The following LBP variants were observed in gnomAD, a reference collection of about 807,000 sequenced individuals.
The protein encoded by LBP is lipopolysaccharide binding protein, also known as lipopolysaccharide-binding protein.
In LBP, 53 loss-of-function variants were observed where a neutral mutation model predicts 56.6. The ratio of observed to expected loss-of-function variants is 0.94; its 90% CI spans 0.75 to 1.18. The LOEUF is 1.18. LBP is among the 50% of genes most tolerant of loss of function. LBP has a pLI of 0.00. For missense variants in LBP, 601 were observed against 598.3 expected, an observed-to-expected ratio of 1.00 and a Z score of -0.05; for synonymous variants, 227 against 247.5, an observed-to-expected ratio of 0.92 and a Z score of 0.78.
At chr20:38,351,006 C>T in intron 3 of LBP, 67 bp downstream of exon 3, 1 of 1,570,640 alleles carries the variant, frequency 6.4e-7, no homozygotes, top group Non-Finnish European at 8.7e-7. Context: ...CTTCTTAGGT[C>T]CAAGGTGTTC....
chr20:38,363,928 C>G (rs2076870793), intron 6 of LBP, 47 bp from the exon 7 acceptor site: 2 of 1,376,780 alleles, frequency 1.5e-6, no homozygotes, highest in Non-Finnish European at 1.0e-6. Flanking sequence ...CCTCCAGCAG[C>G]TGAAAGTGTC....
chr20:38,367,793 A>G (rs1480916827), intron 9 of LBP, among the ~76,000 whole-genome samples: 1 of 152,162 alleles, frequency 6.6e-6, no homozygotes, highest in East Asian at 1.9e-4. Context: ...GGTTCATGGG[A>G]GTGCTGTTTT....
At chr20:38,354,021 A>G (rs990799307) in intron 3 of LBP, among the ~76,000 whole-genome samples, 2 of 151,664 alleles carry the variant, frequency 1.3e-5, no homozygotes, top group African/African-American at 4.8e-5. Flanking sequence ...TGAAGTTTTA[A>G]TTTTCTATGC....
intron 6 of LBP, among the ~76,000 whole-genome samples, chr20:38,363,090 G>A (rs187921041): frequency 6.6e-6 from 1 of 152,254 alleles, no homozygotes; most frequent in East Asian, 1.9e-4. Context: ...ACTGTTGAAG[G>A]CCATCTGGGG....
Position 38,346,592 on chromosome 20 carries a change from G to A in LBP, c.76G>A (p.Ala26Thr). 2 of 1,613,734 alleles carry A rather than the reference G, an allele frequency of 1.2e-6. No individual in the cohort carries two copies. Among genetic ancestry groups the A allele is most frequent in the Non-Finnish European group, 1.7e-6 (2 of 1,180,008 alleles). Residue 26 changes from alanine to threonine, a missense_variant, in exon 1 of 15, where the codon GCC (alanine) becomes ACC (threonine). Transcript: ENST00000217407. ...LLTSTPEALG[A>T]NPGLVARITD... ...TACGTCCACCCCAGAGGCTCTGGGTGCCAACCCCGGCTTGGTCGCCAGGAT... is the reference window on the plus strand; with the variant it reads ...TACGTCCACCCCAGAGGCTCTGGGTACCAACCCCGGCTTGGTCGCCAGGAT...
rs5744219 is a variant in LBP, at chr20:38,373,058, C to T, written c.1261-14C>T. 0.012 allele frequency: 18,955 copies of T among 1,611,802 alleles called. 142 individuals are homozygous for T. Among genetic ancestry groups the T allele is most frequent in the Non-Finnish European group, 0.014 (16,234 of 1,177,824 alleles). On this transcript the variant is annotated splice_polypyrimidine_tract_variant and intron_variant, in intron 12 of 14. Coordinates refer to ENST00000217407, the MANE Select transcript of LBP (RefSeq NM_004139.5). Reference sequence around the variant, plus strand: ...CTGTGGCGATGTAAATATATCTCTCCTGTTCTCTTCCAGGCAGAGCTGTTG... The same window carrying T: ...CTGTGGCGATGTAAATATATCTCTCTTGTTCTCTTCCAGGCAGAGCTGTTG...
chr20:38,355,268 GACC>G lies in LBP; in HGVS notation c.525-76_525-74del, dbSNP rs2076834732. 1.6e-5 allele frequency: 21 copies of G among 1,331,466 alleles called. No homozygotes were observed. In the African/African-American group the frequency reaches 2.6e-4, roughly 16 times the overall value. The allele number at this position is 1,331,466 out of a possible 1,614,324, so 82.5% of individuals were successfully genotyped here. ...GAGGGCTCCCTTTGTGGACTGGCCT[GACC>G]AGGGACCAGGGCCTGGCTTTCCCAG... On this transcript the variant is annotated intron_variant, in intron 4 of 14. Coordinates refer to ENST00000217407, the MANE Select transcript of LBP (RefSeq NM_004139.5).
Position 38,367,121 on chromosome 20 carries a change from G to T in LBP, c.981+293G>T, listed in dbSNP as rs2076885073. Among the ~76,000 whole-genome samples, 3 of 152,062 alleles carry T rather than the reference G, an allele frequency of 2.0e-5. No homozygotes were observed. In the South Asian group the frequency reaches 6.2e-4, roughly 32 times the overall value. ...ATGAACAGCAGCTAACAATTACAGG[G>T]GGCTTCCTAGGTGCCAGGCATGTTC... On this transcript the variant is annotated intron_variant, in intron 9 of 14. Coordinates refer to ENST00000217407, the MANE Select transcript of LBP (RefSeq NM_004139.5).
At chr20:38,356,986 T>G (rs114631382) in intron 5 of LBP, among the ~76,000 whole-genome samples, 11,579 of 152,108 alleles carry the variant, frequency 0.076, 1,433 homozygotes, top group African/African-American at 0.26. Flanking sequence ...CTCCCGAGTA[T>G]ATGAGACCAC....
rs139250125 is a variant in LBP, at chr20:38,354,405, G to A, written c.490G>A (p.Ala164Thr). 610 of 1,613,136 alleles carry A rather than the reference G, an allele frequency of 3.8e-4. No individual in the cohort carries two copies. Among genetic ancestry groups the A allele is most frequent in the South Asian group, 1.5e-3 (135 of 91,034 alleles). Reference sequence around the variant, plus strand: ...TGCCTCCAGCTGCAGCAGTGACATCGCTGACGTGGAGGTGGACATGTCGGG... The same window carrying A: ...TGCCTCCAGCTGCAGCAGTGACATCACTGACGTGGAGGTGGACATGTCGGG... ...VTASSCSSDI[A>T]DVEVDMSGDL... The change falls in exon 4 of 15, where the codon GCT becomes ACT. Residue 164 changes from alanine (A) to threonine (T), a missense_variant. By Grantham distance (58) the Ala-to-Thr change is moderately conservative. Transcript: ENST00000217407.
intron 10 of LBP, 37 bp from the exon 11 acceptor site, chr20:38,370,701 A>T (rs774189175): frequency 6.3e-7 from 1 of 1,581,404 alleles, no homozygotes; most frequent in Non-Finnish European, 8.7e-7. Flanking sequence ...TACAACCTTC[A>T]TCACTTACAC....
At chr20:38,376,292 G>T (rs527947661) in intron 14 of LBP, among the ~76,000 whole-genome samples, 2 of 152,174 alleles carry the variant, frequency 1.3e-5, no homozygotes, top group Non-Finnish European at 2.9e-5. Flanking sequence ...TGATGGAAAC[G>T]TAAGAAGAGC....
chr20:38,366,305 G>A (rs766871455), intron 8 of LBP, among the ~76,000 whole-genome samples: 4 of 152,282 alleles, frequency 2.6e-5, no homozygotes, highest in African/African-American at 9.6e-5. Context: ...TGCGGCACGG[G>A]CCTCTCTTTC....
At chr20:38,376,002 T>C (rs2083956727) in intron 14 of LBP, among the ~76,000 whole-genome samples, 2 of 152,328 alleles carry the variant, frequency 1.3e-5, no homozygotes, top group Admixed American at 6.5e-5. Flanking sequence ...AAAGCAAAGA[T>C]TGAGTGACAG....
At chr20:38,373,846 A>G in intron 13 of LBP, 91 bp from the exon 14 acceptor site, 1 of 1,083,542 alleles carries the variant, frequency 9.2e-7, no homozygotes, top group Non-Finnish European at 1.4e-6. Context: ...TATACTGAAT[A>G]TAGAGTTTGC....
At chr20:38,352,078 G>A (rs181365410) in intron 3 of LBP, among the ~76,000 whole-genome samples, 25 of 151,042 alleles carry the variant, frequency 1.7e-4, no homozygotes, top group East Asian at 1.6e-3. Context: ...AAGAAACCCC[G>A]TTTCTCTCTG....
Position 38,364,083 on chromosome 20 carries a change from C to T in LBP, c.744+17C>T, listed in dbSNP as rs1051683238. 14 of 1,575,232 alleles carry T rather than the reference C, an allele frequency of 8.9e-6. No individual in the cohort carries two copies. The highest frequency in any genetic ancestry group is 2.2e-5 in the East Asian group (1 of 44,700). On this transcript the variant is annotated intron_variant, in intron 7 of 14. Transcript: ENST00000217407. ...ATGTTTAAGGTGAGGGTCCTGGGGC[C>T]GGGCTGCGTGGGTGAGGCTTTCCCT...
Position 38,364,067 on chromosome 20 carries a change from G to T in LBP, c.744+1G>T, listed in dbSNP as rs769147169. On this transcript the variant is annotated splice_donor_variant, in intron 7 of 14. Transcript: ENST00000217407. LOFTEE classifies it high-confidence loss of function. ...CCAGATGCTGGAGGTGATGTTTAAGGTGAGGGTCCTGGGGCCGGGCTGCGT... is the reference window on the plus strand; with the variant it reads ...CCAGATGCTGGAGGTGATGTTTAAGTTGAGGGTCCTGGGGCCGGGCTGCGT... 5.0e-6 allele frequency: 8 copies of T among 1,609,770 alleles called. No individual in the cohort carries two copies. In the South Asian group the frequency reaches 7.7e-5, roughly 15 times the overall value.
intron 1 of LBP, among the ~76,000 whole-genome samples, chr20:38,346,900 T>C (rs2076803185): frequency 1.3e-5 from 2 of 152,296 alleles, no homozygotes; most frequent in South Asian, 2.1e-4. Flanking sequence ...TGGGAAATGA[T>C]TCCAGGAAAC....
Sources: allele counts gnomAD v4.1 joint callset (sites outside exome capture counted in the v4.1 genomes callset), GRCh38; gene constraint gnomAD v4.1.1; transcripts MANE v1.5; gene names NCBI Gene and HGNC (gene_info 2026-07-23, HGNC 2026-07-21).